EXOC2: variants seen among roughly 807,000 people sequenced by gnomAD.
The protein encoded by EXOC2 is SEC5-like 1.
A neutral mutation model predicts 131.8 loss-of-function variants in EXOC2; 70 were observed. That is an observed-to-expected ratio of 0.53 (90% CI 0.44 to 0.65). The LOEUF (loss-of-function observed/expected upper bound fraction) is 0.65, where lower values mean the gene tolerates loss of function less well. Ranked by LOEUF, EXOC2 falls within the 30% of genes least tolerant of loss-of-function variation. The probability of loss-of-function intolerance (pLI) is 0.00; values close to 1 mark genes in which losing one functional copy is unlikely to be tolerated. For missense variants in EXOC2, 923 were observed against 1,108.6 expected (o/e 0.83, Z 2.38); for synonymous variants, 411 against 398.4 (o/e 1.03, Z -0.38).
chr6:564,506 C>A (rs1460278311), intron 15 of EXOC2, 39 bp downstream of exon 15: 2 of 1,606,672 alleles, frequency 1.2e-6, no homozygotes, highest in African/African-American at 2.7e-5. Flanking sequence ...TTAAAAAAAA[C>A]AGAAGTACGC....
At chr6:637,644 C>T in intron 2 of EXOC2, 57 bp downstream of exon 2, 2 of 1,344,012 alleles carry the variant, frequency 1.5e-6, no homozygotes, top group Non-Finnish European at 2.1e-6. Context: ...TATCTTGTCT[C>T]CCTTGTCCAC....
chr6:563,555 GTTTT>G lies in EXOC2; in HGVS notation c.1789+474_1789+477del, dbSNP rs143757239. On this transcript the variant is annotated intron_variant, in intron 16 of 27. Coordinates refer to ENST00000230449, the MANE Select transcript of EXOC2 (RefSeq NM_018303.6). ...CTGCTTTGTAAAGAAAACCTTTATG[GTTTT>G]TTTATGATTTTATGTAGAAAAGCCT... 2.1e-3 allele frequency among the ~76,000 whole-genome samples: 317 copies of G among 152,154 alleles called. 4 individuals carry two copies. The highest frequency in any genetic ancestry group is 7.1e-3 in the African/African-American group (296 of 41,538).
chr6:582,937 G>A (rs1264170406), intron 11 of EXOC2, among the ~76,000 whole-genome samples: 1 of 151,642 alleles, frequency 6.6e-6, no homozygotes, highest in African/African-American at 2.4e-5. Context: ...ATCATTCAAA[G>A]CAAGAGTTCA....
chr6:525,516 T>A (rs1052907309), intron 23 of EXOC2: 1 of 152,220 alleles, frequency 6.6e-6, no homozygotes, highest in African/African-American at 2.4e-5. Context: ...ATTCACCATG[T>A]ATGCCATTTC....
intron 23 of EXOC2, 61 bp from the exon 24 acceptor site, chr6:499,761 G>T: frequency 7.4e-7 from 1 of 1,353,564 alleles, no homozygotes; most frequent in Non-Finnish European, 1.1e-6. Context: ...CCCCTCCCCT[G>T]CTGGCAGGCT....
chr6:522,653 C>G (rs754360525), intron 23 of EXOC2, among the ~76,000 whole-genome samples: 5 of 150,880 alleles, frequency 3.3e-5, no homozygotes, highest in Non-Finnish European at 7.4e-5. Context: ...AGGTCTCAGG[C>G]AGGTCCATGC....
At chr6:677,541 T>C (rs1764201136) in intron 1 of EXOC2, among the ~76,000 whole-genome samples, 1 of 152,166 alleles carries the variant, frequency 6.6e-6, no homozygotes, top group South Asian at 2.1e-4. Flanking sequence ...TAATTTTTTT[T>C]TGAGATGGAG....
chr6:568,961 G>C (rs1237154036), intron 13 of EXOC2, among the ~76,000 whole-genome samples: 2 of 152,160 alleles, frequency 1.3e-5, no homozygotes, highest in Non-Finnish European at 2.9e-5. Flanking sequence ...ATGAAAAGTA[G>C]ACGGGGAAGG....
chr6:657,850 T>G (rs1561982275), intron 1 of EXOC2, among the ~76,000 whole-genome samples: 1 of 152,238 alleles, frequency 6.6e-6, no homozygotes, highest in Admixed American at 6.5e-5. Flanking sequence ...TTATTTTTCT[T>G]GATTTTAAGA....
chr6:656,838 G>C, intron 1 of EXOC2: 2 of 1,610,670 alleles, frequency 1.2e-6, no homozygotes, highest in East Asian at 4.5e-5. Flanking sequence ...CAGGCTGTCA[G>C]GGCGCACGCG....
chr6:649,487 C>G (rs1351539363), intron 1 of EXOC2, among the ~76,000 whole-genome samples: 1 of 152,028 alleles, frequency 6.6e-6, no homozygotes, highest in African/African-American at 2.4e-5. Context: ...TACGTACTAT[C>G]CATTACCAAA....
intron 23 of EXOC2, among the ~76,000 whole-genome samples, chr6:517,174 A>G (rs890379967): frequency 8.5e-5 from 13 of 152,116 alleles, no homozygotes; most frequent in Non-Finnish European, 2.9e-5. Flanking sequence ...AATAAAAGAG[A>G]AGAAGGAAGA....
intron 22 of EXOC2, among the ~76,000 whole-genome samples, chr6:547,530 T>G (rs140830845): frequency 1.4e-4 from 21 of 152,336 alleles, no homozygotes; most frequent in African/African-American, 3.6e-4. Flanking sequence ...GAATTATTTG[T>G]CTTTTGGAGG....
At chr6:595,489 AT>A (rs1759760509) in intron 10 of EXOC2, among the ~76,000 whole-genome samples, 1 of 152,056 alleles carries the variant, frequency 6.6e-6, no homozygotes, top group Non-Finnish European at 1.5e-5. Flanking sequence ...ACTTGTTTAT[AT>A]TTTTGCTCTT....
At chr6:515,400 C>T (rs953509511) in intron 23 of EXOC2, among the ~76,000 whole-genome samples, 6 of 152,238 alleles carry the variant, frequency 3.9e-5, no homozygotes, top group African/African-American at 1.4e-4. Context: ...CCCCGTCTGT[C>T]CCCTGCTTTC....
rs1257811968 is a variant in EXOC2, at chr6:506,858, C to T, written c.2381-7158G>A. Among the ~76,000 whole-genome samples, 1 of 152,102 alleles carries T rather than the reference C, an allele frequency of 6.6e-6. No individual in the cohort carries two copies. The highest frequency in any genetic ancestry group is 2.4e-5 in the African/African-American group (1 of 41,402). Reference sequence around the variant, plus strand: ...TCAAAATAGTAGAGCAGCCTTCTTTCTTGGTATATTTGTCAGTTTCCTCTT... The same window carrying T: ...TCAAAATAGTAGAGCAGCCTTCTTTTTTGGTATATTTGTCAGTTTCCTCTT... On this transcript the variant is annotated intron_variant, in intron 23 of 27. Transcript: ENST00000230449. The surrounding 1 kb of genome is among the most constrained non-coding windows in gnomAD (Gnocchi z 4.4).
chr6:672,197 A>G (rs1182895218), intron 1 of EXOC2, among the ~76,000 whole-genome samples: 1 of 151,952 alleles, frequency 6.6e-6, no homozygotes, highest in Non-Finnish European at 1.5e-5. Flanking sequence ...TTCTTTCCTC[A>G]GCTATGTCTG....
At chr6:629,227 G>A (rs1761726482) in intron 4 of EXOC2, among the ~76,000 whole-genome samples, 1 of 152,188 alleles carries the variant, frequency 6.6e-6, no homozygotes, top group African/African-American at 2.4e-5. Context: ...ACTAAGGCCA[G>A]AAGATAAATT....
rs192453572 is a variant in EXOC2 at position 675,801 on chromosome 6, C to A, written c.-44+17218G>T. 5.4e-4 allele frequency among the ~76,000 whole-genome samples: 36 copies of A among 66,782 alleles called. 12 individuals are homozygous for A. The highest frequency in any genetic ancestry group is 1.5e-3 in the African/African-American group (36 of 23,784). 43.8% of individuals were successfully genotyped at this position (66,782 alleles called of 152,430 possible). On this transcript the variant is annotated intron_variant, in intron 1 of 27. Coordinates refer to ENST00000230449, the MANE Select transcript of EXOC2 (RefSeq NM_018303.6). ...TCAACATTACAGAAAGGATAGGTTC[C>A]TCTGGAGACTCTGAGGTTCCCCATA... is the stretch of plus-strand genomic sequence containing the variant.
Sources: gnomAD v4.1 joint callset for allele counts (sites outside exome capture counted in the v4.1 genomes callset) on GRCh38, gnomAD v4.1.1 for gene constraint, Gnocchi (gnomAD v3.1) non-coding constraint, MANE v1.5 for transcripts, NCBI Gene and HGNC (gene_info 2026-07-23, HGNC 2026-07-21) for gene names.